Variants in AGMO observed in about 807,000 individuals in gnomAD.
The protein encoded by AGMO is glyceryl-ether monooxygenase.
A neutral mutation model predicts 60.2 loss-of-function variants in AGMO; 75 were observed. The observed-to-expected ratio is 1.25, with a 90% CI of 1.03 to 1.51. AGMO has a LOEUF of 1.51. AGMO is among the 40% of genes most tolerant of loss of function. The pLI is 0.00. For synonymous variants in AGMO, 261 were observed against 177.1 expected, an observed-to-expected ratio of 1.47 and a Z score of -3.76; for missense variants, 763 against 525.5, an observed-to-expected ratio of 1.45 and a Z score of -4.42.
chr7:15,438,564 C>T (rs191337473), intron 3 of AGMO, among the ~76,000 whole-genome samples: 1 of 152,270 alleles, frequency 6.6e-6, no homozygotes, highest in African/African-American at 2.4e-5. Flanking sequence ...TAATGATGCA[C>T]TGTGAGTGAT....
intron 12 of AGMO, among the ~76,000 whole-genome samples, chr7:15,355,979 TCCAC>T (rs35746781): frequency 0.56 from 84,050 of 151,440 alleles, 24,566 homozygotes; most frequent in African/African-American, 0.76. Context: ...AACATAATGA[TCCAC>T]CCACTTCAAT....
At chr7:15,368,014 C>A (rs1473786103) in intron 10 of AGMO, among the ~76,000 whole-genome samples, 1 of 152,050 alleles carries the variant, frequency 6.6e-6, no homozygotes, top group Non-Finnish European at 1.5e-5. Context: ...CCCCATCTCT[C>A]ACGGCCAACT....
chr7:15,316,511 C>T (rs1457400364), intron 12 of AGMO, among the ~76,000 whole-genome samples: 4 of 152,072 alleles, frequency 2.6e-5, no homozygotes, highest in African/African-American at 9.7e-5. Flanking sequence ...GGCTCTTTAT[C>T]TTTTGATAAG....
At chr7:15,238,939 T>G (rs1445571019) in intron 12 of AGMO, among the ~76,000 whole-genome samples, 2 of 152,186 alleles carry the variant, frequency 1.3e-5, no homozygotes, top group Non-Finnish European at 2.9e-5. Context: ...TGTTTGCATA[T>G]GTAAACTTTT....
chr7:15,353,949 AC>A (rs1310704030), intron 12 of AGMO, among the ~76,000 whole-genome samples: 2 of 152,174 alleles, frequency 1.3e-5, no homozygotes, highest in Non-Finnish European at 2.9e-5. Context: ...TATTTTAAAA[AC>A]CCATACAAAG....
At chr7:15,337,933 A>T (rs1332103040) in intron 12 of AGMO, among the ~76,000 whole-genome samples, 1 of 152,192 alleles carries the variant, frequency 6.6e-6, no homozygotes, top group African/African-American at 2.4e-5. Flanking sequence ...AAGCGATGAA[A>T]ATCTCCAAGG....
chr7:15,187,774 G>C, the AGMO span, among the ~76,000 whole-genome samples: 1 of 152,100 alleles, frequency 6.6e-6, no homozygotes, highest in Non-Finnish European at 1.5e-5. Flanking sequence ...TAGAGGGGAG[G>C]AGAAGAGTCA....
At chr7:15,490,198 C>T (rs977920516) in intron 3 of AGMO, among the ~76,000 whole-genome samples, 9 of 152,060 alleles carry the variant, frequency 5.9e-5, no homozygotes, top group Admixed American at 2.6e-4. Flanking sequence ...TCATTTTTAG[C>T]GACTCAATAT....
intron 12 of AGMO, among the ~76,000 whole-genome samples, chr7:15,240,380 C>T (rs1000891574): frequency 6.6e-6 from 1 of 152,094 alleles, no homozygotes; most frequent in East Asian, 1.9e-4. Context: ...TTCTTAGTGA[C>T]CAGCCTTCAT....
chr7:15,244,180 TAAATAGAAGGATACA>T (rs1782675415), intron 12 of AGMO, among the ~76,000 whole-genome samples: 1 of 132,326 alleles, frequency 7.6e-6, no homozygotes, highest in Non-Finnish European at 1.8e-5. Context: ...ATTTGTACAA[TAAATAGAAGGATACA>T]AAGCATAAAA....
chr7:15,225,509 C>T (rs1287166312), intron 12 of AGMO, among the ~76,000 whole-genome samples: 2 of 151,820 alleles, frequency 1.3e-5, no homozygotes, highest in Non-Finnish European at 2.9e-5. Flanking sequence ...ATTTACCATC[C>T]TACCAGAAGT....
rs554407374 is a variant in AGMO at position 15,353,229 on chromosome 7, C to T, written c.1263+12285G>A. Among the ~76,000 whole-genome samples, 299 of 152,086 alleles carry T rather than the reference C, an allele frequency of 2.0e-3. 1 individual carries two copies. The highest frequency in any genetic ancestry group is 3.1e-3 in the Non-Finnish European group (213 of 67,994). On this transcript the variant is annotated intron_variant, in intron 12 of 12. Transcript: ENST00000342526. ...CGCTGACGTTGGTAGATTACATCCA[C>T]GAATAAGTCATGTAATAATAGGACA...
chr7:15,307,744 A>C (rs1030342716), intron 12 of AGMO, among the ~76,000 whole-genome samples: 11 of 151,946 alleles, frequency 7.2e-5, no homozygotes, highest in African/African-American at 2.2e-4. Context: ...TCTCACAGTA[A>C]ACATGCCCAC....
At chr7:15,341,386 C>T (rs961870596) in intron 12 of AGMO, among the ~76,000 whole-genome samples, 5 of 152,186 alleles carry the variant, frequency 3.3e-5, no homozygotes, top group South Asian at 2.1e-4. Flanking sequence ...AGTCCTTTTG[C>T]TAAAGCATTA....
chr7:15,459,120 C>G (rs372859257), intron 3 of AGMO, among the ~76,000 whole-genome samples: 1 of 151,536 alleles, frequency 6.6e-6, no homozygotes, highest in African/African-American at 2.4e-5. Flanking sequence ...GGTTTTTTTT[C>G]TTTTTGAAAC....
intron 10 of AGMO, among the ~76,000 whole-genome samples, chr7:15,368,866 G>A (rs775745778): frequency 6.6e-6 from 1 of 152,070 alleles, no homozygotes; most frequent in Non-Finnish European, 1.5e-5. Flanking sequence ...CTGACTACTG[G>A]ACTCAGAGTG....
intron 12 of AGMO, among the ~76,000 whole-genome samples, chr7:15,216,366 T>C (rs1031178708): frequency 6.6e-6 from 1 of 152,152 alleles, no homozygotes; most frequent in Non-Finnish European, 1.5e-5. Context: ...CTTTCTGCAC[T>C]GCTATAATTT....
intron 3 of AGMO, among the ~76,000 whole-genome samples, chr7:15,453,830 T>G (rs536943072): frequency 1.2e-3 from 190 of 152,088 alleles, no homozygotes; most frequent in African/African-American, 4.1e-3. Context: ...ACTATCTAAG[T>G]TGCTGTGAGA....
chr7:15,505,391 T>C (rs1783486511), intron 3 of AGMO, among the ~76,000 whole-genome samples: 1 of 151,964 alleles, frequency 6.6e-6, no homozygotes, highest in Non-Finnish European at 1.5e-5. Flanking sequence ...TCTGTCTGGT[T>C]GAAATGCAGT....
Sources: gnomAD v4.1 joint callset for allele counts (sites outside exome capture counted in the v4.1 genomes callset) on GRCh38, gnomAD v4.1.1 for gene constraint, MANE v1.5 for transcripts, NCBI Gene and HGNC (gene_info 2026-07-23, HGNC 2026-07-21) for gene names.